Variants in SNRPN observed in about 807,000 individuals in gnomAD.
SNRPN encodes small nuclear ribonucleoprotein-associated protein N.
Under a neutral mutation model 25.2 loss-of-function variants are expected in SNRPN, and 7 were observed. The ratio of observed to expected loss-of-function variants is 0.28; its 90% CI spans 0.16 to 0.52. SNRPN has a LOEUF of 0.52. SNRPN is among the 20% of genes least tolerant of loss of function. The probability of loss-of-function intolerance (pLI) is 0.96; values close to 1 mark genes in which losing one functional copy is unlikely to be tolerated. For missense variants in SNRPN, 196 were observed against 322.5 expected (o/e 0.61, Z 3.00); for synonymous variants, 124 against 110.6 (o/e 1.12, Z -0.76).
chr15:24,977,331 A>G (rs2077174950), intron 7 of SNRPN, among the ~76,000 whole-genome samples: 1 of 152,160 alleles, frequency 6.6e-6, no homozygotes, highest in African/African-American at 2.4e-5. Context: ...TCAGTGTACT[A>G]AGATTAGTTT....
At chr15:24,923,001 A>G (rs7164889) in intron 3 of SNRPN, among the ~76,000 whole-genome samples, 120,546 of 150,180 alleles carry the variant, frequency 0.8, 48,475 homozygotes, top group East Asian at 1. Flanking sequence ...CGCCTTCTGC[A>G]TTGAAGCGAT....
chr15:24,911,898 G>A (rs980655974), intron 2 of SNRPN, among the ~76,000 whole-genome samples: 6 of 152,188 alleles, frequency 3.9e-5, no homozygotes, highest in Non-Finnish European at 7.3e-5. Flanking sequence ...CCGGTAGTGC[G>A]TATTCCAACC....
At chr15:24,856,474 C>T (rs1028504534), upstream of SNRPN, 8 of 152,258 alleles carry the variant, frequency 5.3e-5, no homozygotes, top group East Asian at 3.8e-4. Context: ...ATCCTTCTTG[C>T]GCAAGCGCAG....
In SNRPN at chr15:24,927,688, C is replaced by T. The variant is rs2060514332; in HGVS notation, c.-391+7564C>T. Among the ~76,000 whole-genome samples, 4 of 151,580 alleles carry T rather than the reference C, an allele frequency of 2.6e-5. No individual in the cohort carries two copies. The South Asian group carries it at 8.4e-4, about 32-fold the overall frequency. On this transcript the variant is annotated intron_variant, in intron 3 of 11. Transcript: ENST00000400097. The stretch of plus-strand genomic sequence containing the variant: ...GCCATAACCCAGTTTCTTCATTTGC[C>T]CCAATAATGTTTTTTATAGCTTTTT...
intron 1 of SNRPN, among the ~76,000 whole-genome samples, chr15:24,957,532 T>C (rs1224253645): frequency 6.6e-6 from 1 of 152,220 alleles, no homozygotes; most frequent in African/African-American, 2.4e-5. Flanking sequence ...GGATTTTGTC[T>C]TCCTTTGCAG....
At chr15:24,964,779 A>G (rs1026355674) in intron 2 of SNRPN, among the ~76,000 whole-genome samples, 4 of 152,112 alleles carry the variant, frequency 2.6e-5, no homozygotes, top group South Asian at 4.1e-4. Flanking sequence ...TTTTTTTCCT[A>G]TGTAACCTCA....
intron 2 of SNRPN, among the ~76,000 whole-genome samples, chr15:24,889,703 T>C (rs2057498813): frequency 6.6e-6 from 1 of 152,088 alleles, no homozygotes; most frequent in Admixed American, 6.6e-5. Flanking sequence ...ATACTGAATG[T>C]GCATCCCTAC....
chr15:24,955,426 C>T (rs967701526), intron 1 of SNRPN, among the ~76,000 whole-genome samples: 19 of 151,576 alleles, frequency 1.3e-4, no homozygotes, highest in Non-Finnish European at 2.6e-4. Flanking sequence ...ATTGCAGTTC[C>T]GTGTGGCGAG....
intron 2 of SNRPN, among the ~76,000 whole-genome samples, chr15:24,918,323 T>A (rs996071956): frequency 4.4e-5 from 5 of 112,652 alleles, no homozygotes; most frequent in East Asian, 2.3e-4. Context: ...TATATATATA[T>A]AACATAATAT....
intron 1 of SNRPN, among the ~76,000 whole-genome samples, chr15:24,879,138 G>C (rs1398588482): frequency 1.3e-5 from 2 of 152,080 alleles, no homozygotes; most frequent in Non-Finnish European, 2.9e-5. Context: ...GTATTCTTTT[G>C]AAATTATGCA....
intron 1 of SNRPN, among the ~76,000 whole-genome samples, chr15:24,882,486 G>A (rs915422555): frequency 9.2e-5 from 14 of 152,008 alleles, no homozygotes; most frequent in African/African-American, 1.7e-4. Context: ...GATGCTCCTC[G>A]ACTTACAATG....
At chr15:24,919,807 G>T (rs1223184684) in intron 2 of SNRPN, among the ~76,000 whole-genome samples, 2 of 152,168 alleles carry the variant, frequency 1.3e-5, no homozygotes, top group East Asian at 3.9e-4. Flanking sequence ...ACTGGAGAAG[G>T]TTCAGGTGCC....
intron 1 of SNRPN, among the ~76,000 whole-genome samples, chr15:24,885,244 A>C (rs1156251079): frequency 6.6e-6 from 1 of 152,194 alleles, no homozygotes; most frequent in Non-Finnish European, 1.5e-5. Flanking sequence ...CTGTTTCCTC[A>C]ATTATAAACA....
chr15:24,944,175 T>C (rs2061739536), intron 3 of SNRPN, among the ~76,000 whole-genome samples: 1 of 152,188 alleles, frequency 6.6e-6, no homozygotes, highest in Admixed American at 6.5e-5. Flanking sequence ...AAATTTATGT[T>C]GCAGCCTGGA....
intron 2 of SNRPN, among the ~76,000 whole-genome samples, chr15:24,841,802 C>A (rs563346806): frequency 6.6e-6 from 1 of 152,284 alleles, no homozygotes; most frequent in Admixed American, 6.5e-5. Flanking sequence ...TCCTCTCATG[C>A]CTCAGGGACC....
intron 1 of SNRPN, among the ~76,000 whole-genome samples, chr15:24,886,140 T>A (rs2150069854): frequency 6.6e-6 from 1 of 152,284 alleles, no homozygotes; most frequent in Non-Finnish European, 1.5e-5. Context: ...GCTAAGTTAG[T>A]TTAGCAAGAC....
chr15:24,843,337 G>T (rs1331962225), intron 2 of SNRPN, among the ~76,000 whole-genome samples: 1 of 152,168 alleles, frequency 6.6e-6, no homozygotes, highest in African/African-American at 2.4e-5. Context: ...CTGAGATGCT[G>T]GATCATATAA....
At chr15:24,925,808 C>T (rs1031333514) in intron 3 of SNRPN, among the ~76,000 whole-genome samples, 2 of 151,642 alleles carry the variant, frequency 1.3e-5, no homozygotes, top group South Asian at 4.2e-4. Flanking sequence ...GTGGCGCGAT[C>T]TCGGCTCACT....
chr15:24,950,331 C>T (rs2062163284), upstream of SNRPN, among the ~76,000 whole-genome samples: 1 of 151,764 alleles, frequency 6.6e-6, no homozygotes, highest in African/African-American at 2.4e-5. Flanking sequence ...TGCGTGCCCT[C>T]ACACCCGGCT....
Sources: gnomAD v4.1 joint callset for allele counts (sites outside exome capture counted in the v4.1 genomes callset) on GRCh38, gnomAD v4.1.1 for gene constraint, MANE v1.5 for transcripts, NCBI Gene and HGNC (gene_info 2026-07-23, HGNC 2026-07-21) for gene names.